The following ZFAND6 variants were observed in gnomAD, a reference collection of about 807,000 sequenced individuals.
The protein encoded by ZFAND6 is AN1-type zinc finger protein 6.
In ZFAND6, 12 loss-of-function variants were observed where a neutral mutation model predicts 24.5. The observed-to-expected ratio is 0.49, with a 90% confidence interval of 0.31 to 0.79. The LOEUF is 0.79. Among genes scored for constraint, ZFAND6 ranks in the 30% least tolerant of loss-of-function variants. The pLI is 0.04. For missense variants in ZFAND6, 207 were observed against 245.9 expected, an observed-to-expected ratio of 0.84 and a Z score of 1.06; for synonymous variants, 92 against 81.5, an observed-to-expected ratio of 1.13 and a Z score of -0.69.
Position 80,096,151 on chromosome 15 carries a change from G to C in ZFAND6, c.-180-2265G>C, listed in dbSNP as rs527255549. On this transcript the variant is annotated intron_variant, in intron 1 of 6. Transcript: ENST00000261749. ...CATCTCCAAACCTGTTTTGTCATCT[G>C]TAAAGAGTTGGTAATAATAGCACCT... Among the ~76,000 whole-genome samples the C allele has an allele frequency of 5.9e-5, 9 of 152,320 alleles. No homozygotes were observed. In the East Asian group the frequency reaches 7.7e-4, roughly 13 times the overall value.
intron 1 of ZFAND6, among the ~76,000 whole-genome samples, chr15:80,080,531 C>T (rs754313044): frequency 8.5e-5 from 13 of 152,204 alleles, no homozygotes; most frequent in South Asian, 2.1e-4. Flanking sequence ...GTGATATCAT[C>T]TCCCTCCCTC....
intron 2 of ZFAND6, among the ~76,000 whole-genome samples, chr15:80,111,763 T>C (rs1245873538): frequency 6.6e-6 from 1 of 152,214 alleles, no homozygotes; most frequent in Non-Finnish European, 1.5e-5. Flanking sequence ...TTTTCTTCTC[T>C]TGAAACTAAT....
rs1158861342 is a variant in ZFAND6, at chr15:80,089,409, C to T, written c.-180-9007C>T. ...GAGTAGCTGGGATTACAGGCTGTGC[C>T]ACCACCTGGCTAATTTTTGTATTCT... On this transcript the variant is annotated intron_variant, in intron 1 of 6. Transcript: ENST00000261749. Among the ~76,000 whole-genome samples, 5 of 151,794 alleles carry T rather than the reference C, an allele frequency of 3.3e-5. No individual in the cohort carries two copies. In the East Asian group the frequency reaches 7.7e-4, roughly 23 times the overall value.
chr15:80,059,993 A>G (rs917422585), intron 1 of ZFAND6, among the ~76,000 whole-genome samples, 184 bp downstream of exon 1: 1 of 150,430 alleles, frequency 6.6e-6, no homozygotes, highest in African/African-American at 2.4e-5. Flanking sequence ...CGCGGGCGAG[A>G]GGGCGAGGAC....
At chr15:80,113,218 G>GTACA (rs1240287006) in intron 2 of ZFAND6, among the ~76,000 whole-genome samples, 8 of 152,344 alleles carry the variant, frequency 5.3e-5, no homozygotes, top group Admixed American at 1.3e-4. Context: ...GAATTGGAGA[G>GTACA]TACAGGCTCT....
rs1567107686 is a variant in ZFAND6 at position 80,137,841 on chromosome 15, T to C, written c.*213T>C. ...GGAGACTTAAACTTTACAAGTATTA[T>C]CCTTTTAAGATCATTTTAATTTTAG... On this transcript the variant is annotated 3_prime_UTR_variant, in exon 7 of 7. Transcript: ENST00000261749. 1 of 435,214 alleles carries C rather than the reference T, an allele frequency of 2.3e-6. No homozygotes were observed. Among genetic ancestry groups the C allele is most frequent in the Non-Finnish European group, 3.9e-6 (1 of 255,764 alleles). The allele number at this position is 435,214 out of a possible 1,614,324, so 27.0% of individuals were successfully genotyped here. A position where few individuals can be genotyped will look rare whatever the true frequency, so the allele number is the denominator to read the frequency against.
At chr15:80,101,405 C>G (rs1387186769) in intron 2 of ZFAND6, among the ~76,000 whole-genome samples, 1 of 151,988 alleles carries the variant, frequency 6.6e-6, no homozygotes, top group African/African-American at 2.4e-5. Context: ...AGAGGTTGCA[C>G]TGAGTGGAAA....
At chr15:80,133,191 TG>T (rs1354073714) in intron 6 of ZFAND6, among the ~76,000 whole-genome samples, 4 of 94,168 alleles carry the variant, frequency 4.2e-5, no homozygotes, top group South Asian at 6.8e-4. Context: ...TTTGTTTGTT[TG>T]TTTTTTGTTT....
intron 2 of ZFAND6, chr15:80,111,299 T>G: frequency 3.0e-6 from 1 of 331,930 alleles, no homozygotes; most frequent in Non-Finnish European, 6.0e-6. Flanking sequence ...TCCCTCAGTA[T>G]CTGCAGGTAT....
At chr15:80,073,683 C>T (rs2037105758) in intron 1 of ZFAND6, among the ~76,000 whole-genome samples, 1 of 151,852 alleles carries the variant, frequency 6.6e-6, no homozygotes, top group Non-Finnish European at 1.5e-5. Flanking sequence ...ATTGTTTGGT[C>T]ATCTCATTTT....
At chr15:80,083,052 C>T (rs2037770540) in intron 1 of ZFAND6, among the ~76,000 whole-genome samples, 1 of 152,050 alleles carries the variant, frequency 6.6e-6, no homozygotes, top group Non-Finnish European at 1.5e-5. Flanking sequence ...AGTGCAGTGG[C>T]GCGATCTTGG....
intron 1 of ZFAND6, among the ~76,000 whole-genome samples, chr15:80,065,531 G>A (rs1270290134): frequency 8.2e-6 from 1 of 121,760 alleles, no homozygotes; most frequent in African/African-American, 3.0e-5. Context: ...ATTAGTTTTG[G>A]TTTTGATTTT....
intron 1 of ZFAND6, among the ~76,000 whole-genome samples, chr15:80,064,759 G>C (rs1489294826): frequency 6.6e-6 from 1 of 152,070 alleles, no homozygotes; most frequent in Non-Finnish European, 1.5e-5. Context: ...TCCCGCCTCA[G>C]CCTCCTGTGT....
chr15:80,096,942 T>C (rs191733879), intron 1 of ZFAND6, among the ~76,000 whole-genome samples: 1 of 152,322 alleles, frequency 6.6e-6, no homozygotes, highest in East Asian at 1.9e-4. Context: ...AGAATCTTTC[T>C]CTGTATTGTG....
At chr15:80,118,554 ATG>A (rs1212187200) in intron 2 of ZFAND6, among the ~76,000 whole-genome samples, 2 of 152,122 alleles carry the variant, frequency 1.3e-5, no homozygotes, top group East Asian at 1.9e-4. Flanking sequence ...TTAATGTGAT[ATG>A]TGTGTGTATG....
chr15:80,100,287 C>T (rs752401566), intron 2 of ZFAND6, among the ~76,000 whole-genome samples: 1 of 152,198 alleles, frequency 6.6e-6, no homozygotes, highest in Non-Finnish European at 1.5e-5. Context: ...ACACCCTTCC[C>T]TCCTCTTTTT....
At chr15:80,071,849 G>A (rs1004841968) in intron 1 of ZFAND6, among the ~76,000 whole-genome samples, 1 of 151,868 alleles carries the variant, frequency 6.6e-6, no homozygotes, top group Non-Finnish European at 1.5e-5. Flanking sequence ...GTTTGCCAAT[G>A]GTTAAGCATT....
At chr15:80,068,264 C>T (rs2036774260) in intron 1 of ZFAND6, among the ~76,000 whole-genome samples, 1 of 152,046 alleles carries the variant, frequency 6.6e-6, no homozygotes, top group Non-Finnish European at 1.5e-5. Flanking sequence ...CCTCCCACCT[C>T]AGCCTCCTAA....
intron 6 of ZFAND6, among the ~76,000 whole-genome samples, chr15:80,133,610 C>T (rs1253703461): frequency 1.3e-5 from 2 of 152,068 alleles, no homozygotes; most frequent in Non-Finnish European, 2.9e-5. Context: ...AGTTCCCAAA[C>T]TATATTAAGT....
Sources: allele counts gnomAD v4.1 joint callset (sites outside exome capture counted in the v4.1 genomes callset), GRCh38; gene constraint gnomAD v4.1.1; transcripts MANE v1.5; gene names NCBI Gene and HGNC (gene_info 2026-07-23, HGNC 2026-07-21).